Variants in KCTD1 observed in about 807,000 individuals in gnomAD.
KCTD1 encodes the protein potassium channel tetramerization domain containing 1.
In KCTD1, 24 loss-of-function variants were observed where a neutral mutation model predicts 66.0. That is an observed-to-expected ratio of 0.36 (90% CI 0.26 to 0.51). The LOEUF (loss-of-function observed/expected upper bound fraction) is 0.51. Ranked by LOEUF, KCTD1 falls within the 20% of genes least tolerant of loss-of-function variation. The pLI is 0.95. For missense variants in KCTD1, 943 were observed against 1,205.2 expected (o/e 0.78, Z 3.22); for synonymous variants, 511 against 517.2 (o/e 0.99, Z 0.16).
At chr18:26,503,501 A>C (rs900392197) in intron 1 of KCTD1, among the ~76,000 whole-genome samples, 2 of 151,770 alleles carry the variant, frequency 1.3e-5, no homozygotes, top group Non-Finnish European at 2.9e-5. Context: ...CGGACACACA[A>C]ACACACACAC....
At chr18:26,553,045 C>T (rs954469972), upstream of KCTD1, among the ~76,000 whole-genome samples, 4 of 149,102 alleles carry the variant, frequency 2.7e-5, no homozygotes, top group South Asian at 2.1e-4. Context: ...GGCTGGAGAG[C>T]AGTGGCATGA....
rs568919460 is a variant in KCTD1 at position 26,613,351 on chromosome 18, G to C, written c.-16+15796C>G. On this transcript the variant is annotated intron_variant, in intron 1 of 4. Transcript: ENST00000317932. ...ATCATGTACCTGGTAGCACAGAGCT[G>C]TGGGAGAAATTCTTGGGCCCAAACC... Among the ~76,000 whole-genome samples the C allele has an allele frequency of 2.8e-4, 42 of 152,300 alleles. 1 individual carries two copies. In the South Asian group the frequency reaches 8.7e-3, roughly 32 times the overall value.
At chr18:26,463,266 G>T (rs1048221923) in intron 3 of KCTD1, among the ~76,000 whole-genome samples, 1 of 152,092 alleles carries the variant, frequency 6.6e-6, no homozygotes, top group Non-Finnish European at 1.5e-5. Context: ...GACCAGCCTG[G>T]GCAACGTAGG....
intron 1 of KCTD1, among the ~76,000 whole-genome samples, chr18:26,562,030 T>C (rs1336291034): frequency 6.6e-6 from 1 of 152,194 alleles, no homozygotes; most frequent in Non-Finnish European, 1.5e-5. Flanking sequence ...TAATCAGCCC[T>C]GTCTTAAATT....
At chr18:26,501,421 T>C (rs1982756665) in intron 1 of KCTD1, among the ~76,000 whole-genome samples, 171 bp from the exon 2 acceptor site, 1 of 152,178 alleles carries the variant, frequency 6.6e-6, no homozygotes, top group African/African-American at 2.4e-5. Flanking sequence ...AAACCAATTC[T>C]GTAGCAAAGA....
chr18:26,589,320 A>G (rs534553635), intron 1 of KCTD1, among the ~76,000 whole-genome samples: 1 of 152,314 alleles, frequency 6.6e-6, no homozygotes, highest in Non-Finnish European at 1.5e-5. Flanking sequence ...TTAACTGAGC[A>G]TTTATTATAT....
At chr18:26,541,637 G>GT (rs1292671371) in intron 1 of KCTD1, among the ~76,000 whole-genome samples, 1 of 152,180 alleles carries the variant, frequency 6.6e-6, no homozygotes, top group Non-Finnish European at 1.5e-5. Flanking sequence ...GGAATTTGGA[G>GT]TATCACTGAA....
At chr18:26,513,156 C>T (rs1270271929) in intron 1 of KCTD1, among the ~76,000 whole-genome samples, 3 of 148,482 alleles carry the variant, frequency 2.0e-5, no homozygotes, top group Non-Finnish European at 4.4e-5. Context: ...GGCGCCATCT[C>T]GGTTCACTGC....
intron 1 of KCTD1, among the ~76,000 whole-genome samples, chr18:26,617,099 T>C (rs369297815): frequency 1.3e-5 from 2 of 152,050 alleles, no homozygotes; most frequent in East Asian, 3.9e-4. Flanking sequence ...GAGAAAGGGG[T>C]GGGAATTGCT....
chr18:26,615,472 G>C (rs1457927352), intron 1 of KCTD1, among the ~76,000 whole-genome samples: 1 of 152,172 alleles, frequency 6.6e-6, no homozygotes, highest in Non-Finnish European at 1.5e-5. Flanking sequence ...AAGTAGTACT[G>C]AGCATTTTGA....
At chr18:26,567,695 G>C (rs1209436408) in intron 1 of KCTD1, among the ~76,000 whole-genome samples, 1 of 151,870 alleles carries the variant, frequency 6.6e-6, no homozygotes, top group Non-Finnish European at 1.5e-5. Flanking sequence ...CACCATGTTG[G>C]CCAGGCTGGT....
At chr18:26,600,343 GA>G (rs1022019001) in intron 1 of KCTD1, 1 of 1,441,292 alleles carries the variant, frequency 6.9e-7, no homozygotes, top group African/African-American at 1.4e-5. Flanking sequence ...TGATGCCTAG[GA>G]AGGGCCTGAC....
intron 2 of KCTD1, among the ~76,000 whole-genome samples, chr18:26,484,098 T>C (rs1981790614): frequency 6.6e-6 from 1 of 152,242 alleles, no homozygotes; most frequent in Admixed American, 6.5e-5. Context: ...AAGTCTGCAT[T>C]ATCATAAACA....
intron 1 of KCTD1, among the ~76,000 whole-genome samples, chr18:26,578,065 T>C (rs1986270739): frequency 6.8e-6 from 1 of 146,988 alleles, no homozygotes; most frequent in African/African-American, 2.5e-5. Flanking sequence ...TTCTTTTTTT[T>C]TTTTTTTTTT....
intron 4 of KCTD1, chr18:26,457,287 A>C (rs1980143529): frequency 6.6e-6 from 1 of 152,142 alleles, no homozygotes; most frequent in African/African-American, 2.4e-5. Context: ...AACAATCCCT[A>C]AATTCAAAAT....
At chr18:26,546,705 T>A in intron 1 of KCTD1, 23 bp downstream of exon 1, 1 of 1,532,564 alleles carries the variant, frequency 6.5e-7, no homozygotes, top group Non-Finnish European at 8.8e-7. Context: ...AAACATTTCA[T>A]GCATAGAGTT....
At chr18:26,645,345 G>C (rs755950837) in intron 1 of KCTD1, among the ~76,000 whole-genome samples, 7 of 152,108 alleles carry the variant, frequency 4.6e-5, no homozygotes, top group Non-Finnish European at 7.4e-5. Context: ...AAAGTTCTGG[G>C]CTCAAGTGAT....
chr18:26,496,767 C>T (rs3888186), intron 2 of KCTD1, among the ~76,000 whole-genome samples: 3,718 of 151,838 alleles, frequency 0.024, 57 homozygotes, highest in Middle Eastern at 0.041. Flanking sequence ...CACACACACA[C>T]GCATTGGAAC....
chr18:26,626,500 A>G (rs1987505148), intron 1 of KCTD1, among the ~76,000 whole-genome samples: 1 of 130,960 alleles, frequency 7.6e-6, no homozygotes, highest in Non-Finnish European at 1.6e-5. Flanking sequence ...TTTTGAGGCA[A>G]GGTCTTGCTC....
Sources: allele counts gnomAD v4.1 joint callset (sites outside exome capture counted in the v4.1 genomes callset), GRCh38; gene constraint gnomAD v4.1.1; transcripts MANE v1.5; gene names NCBI Gene and HGNC (gene_info 2026-07-23, HGNC 2026-07-21).